The following ASH1L variants were observed in gnomAD, a reference collection of about 807,000 sequenced individuals.
The protein encoded by ASH1L is histone-lysine N-methyltransferase ASH1L.
ASH1L carries 23 observed loss-of-function variants against 269.0 expected under a neutral mutation model. The observed-to-expected ratio is 0.09, with a 90% CI of 0.06 to 0.12. The LOEUF (loss-of-function observed/expected upper bound fraction) is 0.12, where lower values mean the gene tolerates loss of function less well. Ranked by LOEUF, ASH1L falls within the 10% of genes least tolerant of loss-of-function variation. The pLI, the probability that ASH1L is intolerant of heterozygous loss-of-function variation, is 1.00. For synonymous variants in ASH1L, 1,187 were observed against 1,253.5 expected, an observed-to-expected ratio of 0.95 and a Z score of 1.12; for missense variants, 2,912 against 3,567.8, an observed-to-expected ratio of 0.82 and a Z score of 4.68.
intron 15 of ASH1L, among the ~76,000 whole-genome samples, 200 bp downstream of exon 15, chr1:155,357,115 AC>A (rs1654475479): frequency 9.3e-6 from 1 of 107,934 alleles, no homozygotes; most frequent in African/African-American, 3.8e-5. Flanking sequence ...ACACACACAC[AC>A]ACAAAAGGGT....
At chr1:155,360,531 C>T (rs1229969326) in intron 12 of ASH1L, 122 bp from the exon 13 acceptor site, 2 of 599,170 alleles carry the variant, frequency 3.3e-6, no homozygotes, top group African/African-American at 3.8e-5. Context: ...GCAACCTCCG[C>T]TTCCCGGATT....
chr1:155,545,836 C>T (rs1272404200), intron 1 of ASH1L, among the ~76,000 whole-genome samples: 4 of 151,170 alleles, frequency 2.6e-5, no homozygotes, highest in South Asian at 2.1e-4. Flanking sequence ...GCCTGGCCAA[C>T]GTAGTGAAAC....
chr1:155,555,690 A>G (rs976291186), intron 1 of ASH1L, among the ~76,000 whole-genome samples: 2 of 152,200 alleles, frequency 1.3e-5, no homozygotes, highest in Non-Finnish European at 2.9e-5. Context: ...CAATGCAAAC[A>G]TCGAAAAGCA....
chr1:155,514,849 G>A (rs568955888), intron 2 of ASH1L, among the ~76,000 whole-genome samples: 1 of 151,810 alleles, frequency 6.6e-6, no homozygotes, highest in South Asian at 2.1e-4. Context: ...AGTTGCCGAG[G>A]AACTCGGCAA....
At chr1:155,505,987 C>T (rs902445588) in intron 2 of ASH1L, among the ~76,000 whole-genome samples, 81 of 152,196 alleles carry the variant, frequency 5.3e-4, no homozygotes, top group Middle Eastern at 6.8e-3. Context: ...ATCCCTCCCC[C>T]CTGCCCCCAC....
intron 26 of ASH1L, 117 bp downstream of exon 26, chr1:155,339,211 T>C (rs965112457): frequency 3.3e-6 from 3 of 904,306 alleles, no homozygotes; most frequent in Non-Finnish European, 5.4e-6. Flanking sequence ...ACTGGGCTAC[T>C]CTGCAGAGAA....
chr1:155,452,334 C>T (rs112210938), intron 4 of ASH1L, among the ~76,000 whole-genome samples: 4,055 of 152,120 alleles, frequency 0.027, 201 homozygotes, highest in African/African-American at 0.094. Flanking sequence ...CGACTGCGTC[C>T]TGCCGGTAAA....
chr1:155,433,948 A>G (rs766527611), intron 5 of ASH1L: 2 of 1,580,948 alleles, frequency 1.3e-6, no homozygotes, highest in South Asian at 1.2e-5. Flanking sequence ...CGAAACCCAC[A>G]CTGCAGCAGA....
At chr1:155,407,911 C>T (rs1019186271) in intron 6 of ASH1L, among the ~76,000 whole-genome samples, 1 of 151,714 alleles carries the variant, frequency 6.6e-6, no homozygotes, top group Non-Finnish European at 1.5e-5. Context: ...TCTAAATGGA[C>T]AGTTGCCTAA....
chr1:155,367,653 TATCA>T (rs1430909915), intron 12 of ASH1L, among the ~76,000 whole-genome samples: 9 of 152,148 alleles, frequency 5.9e-5, no homozygotes, highest in Admixed American at 4.6e-4. Context: ...GAGTTTTAAT[TATCA>T]ATGAGTGTTG....
Position 155,370,634 on chromosome 1 carries a change from G to C in ASH1L, c.6556C>G (p.Gln2186Glu), listed in dbSNP as rs1268335263. The C allele has an allele frequency of 1.2e-6, 2 of 1,614,110 alleles. No homozygotes were observed. The highest frequency in any genetic ancestry group is 1.7e-5 in the Admixed American group (1 of 59,988). The change falls in exon 12 of 28, where the codon CAG becomes GAG. Residue 2186 changes from glutamine to glutamate, a missense_variant. Transcript: ENST00000392403. ...TAGTGGTCACTGTGATTATGATACT[G>C]CTCAATCATCCTGTTCCTAAAGAGA... is the stretch of plus-strand genomic sequence containing the variant. The part of the protein sequence containing the change: ...EQEFRNRMIE[Q>E]YHNHSDHYCL...
intron 6 of ASH1L, among the ~76,000 whole-genome samples, chr1:155,402,474 T>C (rs1241677012): frequency 6.6e-6 from 1 of 152,200 alleles, no homozygotes; most frequent in East Asian, 1.9e-4. Context: ...AAAATGGACA[T>C]GTTATTCTAG....
intron 2 of ASH1L, among the ~76,000 whole-genome samples, chr1:155,495,598 T>G (rs1053041331): frequency 6.6e-6 from 1 of 152,236 alleles, no homozygotes; most frequent in African/African-American, 2.4e-5. Context: ...CAGTGAATGC[T>G]CAGTGACTGT....
intron 3 of ASH1L, among the ~76,000 whole-genome samples, chr1:155,468,176 T>C (rs1381486118): frequency 1.3e-5 from 2 of 152,070 alleles, no homozygotes; most frequent in Non-Finnish European, 2.9e-5. Context: ...TTCAGGTCCT[T>C]GATACTTTTT....
intron 3 of ASH1L, among the ~76,000 whole-genome samples, chr1:155,462,151 T>C (rs1260042524): frequency 6.6e-6 from 1 of 152,160 alleles, no homozygotes; most frequent in Non-Finnish European, 1.5e-5. Flanking sequence ...CTAACATTTA[T>C]TAAGTGAGTA....
In ASH1L at chr1:155,478,631, T is replaced by C; in HGVS notation, c.4239A>G (p.Pro1413=). Residue 1413 remains proline, a synonymous_variant, in exon 3 of 28, where the codon CCA becomes CCG. Transcript: ENST00000392403. The surrounding 1 kb of genome is among the most constrained non-coding windows in gnomAD (Gnocchi z 4.6). ...RYPPTLYPPP[P]SPSFTTPLPP... The stretch of plus-strand genomic sequence containing the variant: ...GAAGTGGCGTGGTGAAAGAAGGAGA[T>C]GGAGGAGGTGGATAAAGAGTGGGAG... 1 of 1,613,738 alleles carries C rather than the reference T, an allele frequency of 6.2e-7. No homozygotes were observed. Among genetic ancestry groups the C allele is most frequent in the Non-Finnish European group, 8.5e-7 (1 of 1,179,942 alleles).
At chr1:155,556,941 T>C (rs954575269) in intron 1 of ASH1L, among the ~76,000 whole-genome samples, 2 of 152,054 alleles carry the variant, frequency 1.3e-5, no homozygotes, top group Non-Finnish European at 2.9e-5. Flanking sequence ...CTTGGGACAA[T>C]GGAAGGACTG....
At chr1:155,470,676 C>T (rs1665033155) in intron 3 of ASH1L, among the ~76,000 whole-genome samples, 2 of 151,612 alleles carry the variant, frequency 1.3e-5, no homozygotes, top group African/African-American at 2.4e-5. Flanking sequence ...CTCAGCCTCC[C>T]GAGTAGCTGG....
intron 4 of ASH1L, among the ~76,000 whole-genome samples, chr1:155,457,560 T>C (rs1663952398): frequency 6.6e-6 from 1 of 152,236 alleles, no homozygotes; most frequent in Admixed American, 6.5e-5. Flanking sequence ...TTCAGTGATA[T>C]CTTCTTCAGT....
Sources: gnomAD v4.1 joint callset for allele counts (sites outside exome capture counted in the v4.1 genomes callset) on GRCh38, gnomAD v4.1.1 for gene constraint, Gnocchi (gnomAD v3.1) non-coding constraint, MANE v1.5 for transcripts, NCBI Gene and HGNC (gene_info 2026-07-23, HGNC 2026-07-21) for gene names.